CR1L: variants seen among roughly 807,000 people sequenced by gnomAD.
The protein encoded by CR1L is complement C3b/C4b receptor 1 like.
Under a neutral mutation model 62.3 loss-of-function variants are expected in CR1L, and 59 were observed. That is an observed-to-expected ratio of 0.95 (90% CI 0.77 to 1.18). The LOEUF (loss-of-function observed/expected upper bound fraction) is 1.18, where lower values mean the gene tolerates loss of function less well. Ranked by LOEUF, CR1L falls within the 50% of genes most tolerant of loss-of-function variation. The pLI is 0.00. For synonymous variants in CR1L, 279 were observed against 248.7 expected (o/e 1.12, Z -1.15); for missense variants, 700 against 702.8 (o/e 1.00, Z 0.04).
intron 7 of CR1L, among the ~76,000 whole-genome samples, chr1:207,698,247 C>CA (rs1321913773): frequency 6.6e-6 from 1 of 152,140 alleles, no homozygotes; most frequent in African/African-American, 2.4e-5. Flanking sequence ...TTGCAAGTAA[C>CA]AAAAAACTTA....
intron 4 of CR1L, among the ~76,000 whole-genome samples, chr1:207,693,875 G>A (rs1664031277): frequency 6.6e-6 from 1 of 151,932 alleles, no homozygotes. Context: ...TTAACCCCCA[G>A]TAGTCTACAG....
chr1:207,701,899 C>G lies in CR1L; in HGVS notation c.1328+281C>G, dbSNP rs142375698. Among the ~76,000 whole-genome samples, 291 of 152,228 alleles carry G rather than the reference C, an allele frequency of 1.9e-3. 2 individuals are homozygous for G. Among genetic ancestry groups the G allele is most frequent in the African/African-American group, 6.6e-3 (276 of 41,540 alleles). ...TAGTAGTCAAAGCACACAAACAACC[C>G]TAACCCAGAGTAGACATTGCTGGAA... On this transcript the variant is annotated intron_variant, in intron 9 of 11. Coordinates refer to ENST00000508064, the MANE Select transcript of CR1L (RefSeq NM_175710.2).
At chr1:207,721,719 G>A (rs1412321564) in intron 11 of CR1L, among the ~76,000 whole-genome samples, 7 of 151,688 alleles carry the variant, frequency 4.6e-5, no homozygotes, top group Admixed American at 6.6e-5. Context: ...TAATGGGATG[G>A]CTGGGTCAAA....
chr1:207,684,257 C>T (rs1663857666), intron 4 of CR1L, among the ~76,000 whole-genome samples: 1 of 152,078 alleles, frequency 6.6e-6, no homozygotes, highest in Non-Finnish European at 1.5e-5. Flanking sequence ...TAATAATCAT[C>T]CTGCTTGGCA....
At chr1:207,658,467 G>T (rs1388867776) in intron 1 of CR1L, 1 of 152,238 alleles carries the variant, frequency 6.6e-6, no homozygotes, top group Non-Finnish European at 1.5e-5. Context: ...CAGCCAGCTT[G>T]AAGACCCTGC....
intron 9 of CR1L, among the ~76,000 whole-genome samples, chr1:207,706,043 AT>A (rs746495266): frequency 0.04 from 5,514 of 137,082 alleles, 138 homozygotes; most frequent in South Asian, 0.091. Context: ...ATATATATAT[AT>A]AAAACACTGA....
chr1:207,703,911 G>A (rs534638154), intron 9 of CR1L, among the ~76,000 whole-genome samples: 10 of 151,918 alleles, frequency 6.6e-5, no homozygotes, highest in South Asian at 4.2e-4. Context: ...CCGAGATTGC[G>A]TCACCGCACT....
chr1:207,699,386 T>C (rs1335173431), intron 8 of CR1L, 112 bp downstream of exon 8: 3 of 1,330,720 alleles, frequency 2.3e-6, no homozygotes, highest in Non-Finnish European at 3.1e-6. Context: ...AATTATTGAT[T>C]TGAAAATTTC....
At chr1:207,660,113 A>G (rs751046337) in intron 1 of CR1L, among the ~76,000 whole-genome samples, 1 of 152,272 alleles carries the variant, frequency 6.6e-6, no homozygotes, top group Non-Finnish European at 1.5e-5. Flanking sequence ...AACAAAAGGC[A>G]GCAGACAGCT....
At chr1:207,656,530 A>T (rs919240369) in intron 1 of CR1L, among the ~76,000 whole-genome samples, 6 of 152,122 alleles carry the variant, frequency 3.9e-5, no homozygotes. Flanking sequence ...ATTTATAAAG[A>T]AAAGAGGTTT....
At chr1:207,645,604 T>C (rs1208570641) in intron 1 of CR1L, among the ~76,000 whole-genome samples, 1 of 152,120 alleles carries the variant, frequency 6.6e-6, no homozygotes, top group East Asian at 1.9e-4. Flanking sequence ...GAATCGTGTT[T>C]TCGGGATTGA....
In CR1L at chr1:207,701,389, A is replaced by G. The variant is rs1233802904; in HGVS notation, c.1229-130A>G. On this transcript the variant is annotated intron_variant, in intron 8 of 11. Coordinates refer to ENST00000508064, the MANE Select transcript of CR1L (RefSeq NM_175710.2). Reference sequence around the variant, plus strand: ...TGAGGCTCTCTGATGAGTTTTCTCAAGGTGCCAAAATCTGTGGAACTATCA... The same window carrying G: ...TGAGGCTCTCTGATGAGTTTTCTCAGGGTGCCAAAATCTGTGGAACTATCA... 3 of 1,210,912 alleles carry G rather than the reference A, an allele frequency of 2.5e-6. No individual in the cohort carries two copies. In the African/African-American group the frequency reaches 4.5e-5, roughly 18 times the overall value. 75.0% of individuals were successfully genotyped at this position (1,210,912 alleles called of 1,614,324 possible).
At position 207,705,020 on chromosome 1, in the gene CR1L, T is replaced by A. The variant is rs550520636; in HGVS notation, c.1329-3158T>A. 2.6e-5 allele frequency among the ~76,000 whole-genome samples: 4 copies of A among 152,284 alleles called. No homozygotes were observed. In the South Asian group the frequency reaches 8.3e-4, roughly 32 times the overall value. On this transcript the variant is annotated intron_variant, in intron 9 of 11. Transcript: ENST00000508064. The stretch of plus-strand genomic sequence containing the variant: ...TTGGGAAGACCATGCTCCCTCTGAA[T>A]CCTGTAGGGTAGGATCCTTCATTGC...
intron 11 of CR1L, among the ~76,000 whole-genome samples, chr1:207,721,269 G>T (rs1052932421): frequency 6.6e-6 from 1 of 151,746 alleles, no homozygotes; most frequent in East Asian, 1.9e-4. Flanking sequence ...GTATACATGT[G>T]CCATGCTGGT....
intron 9 of CR1L, among the ~76,000 whole-genome samples, chr1:207,705,778 A>G (rs1664257048): frequency 6.6e-6 from 1 of 152,150 alleles, no homozygotes; most frequent in South Asian, 2.1e-4. Flanking sequence ...AAAACAGGAA[A>G]TACATGTAAA....
intron 10 of CR1L, among the ~76,000 whole-genome samples, chr1:207,711,829 G>T (rs186625298): frequency 6.6e-6 from 1 of 151,874 alleles, no homozygotes; most frequent in Non-Finnish European, 1.5e-5. Context: ...AACCTGGGAC[G>T]CGGAGGTTGC....
At position 207,694,407 on chromosome 1, in the gene CR1L, G is replaced by C. The variant is rs1284000920; in HGVS notation, c.518G>C (p.Ser173Thr). The change falls in exon 5 of 12, where the codon AGC becomes ACC. Residue 173 changes from serine (S) to threonine (T), a missense_variant. Transcript: ENST00000508064. ...TIANGDFTSI[S>T]REYFHYGSVV... ...GCCAATGGAGATTTCACTAGCATCA[G>C]CAGAGAGTATTTTCACTATGGATCA... 3.1e-6 allele frequency: 5 copies of C among 1,613,846 alleles called. No homozygotes were observed. The highest frequency in any genetic ancestry group is 3.4e-6 in the Non-Finnish European group (4 of 1,179,878).
intron 10 of CR1L, among the ~76,000 whole-genome samples, chr1:207,713,758 C>T (rs903121260): frequency 2.6e-5 from 4 of 152,238 alleles, no homozygotes; most frequent in African/African-American, 7.2e-5. Flanking sequence ...CCCACGACCC[C>T]GAAGCCCAGA....
chr1:207,715,387 A>T (rs1040081206), intron 10 of CR1L: 12 of 1,590,386 alleles, frequency 7.5e-6, no homozygotes, highest in Non-Finnish European at 1.0e-5. Context: ...GCAGTGTTCC[A>T]GTGTGTGAAC....
Sources: allele counts gnomAD v4.1 joint callset (sites outside exome capture counted in the v4.1 genomes callset), GRCh38; gene constraint gnomAD v4.1.1; transcripts MANE v1.5; gene names NCBI Gene and HGNC (gene_info 2026-07-23, HGNC 2026-07-21).